Variants in CACNB2 observed in about 807,000 individuals in gnomAD.
CACNB2 encodes calcium voltage-gated channel auxiliary subunit beta 2.
Under a neutral mutation model 73.3 loss-of-function variants are expected in CACNB2, and 42 were observed. The observed-to-expected ratio is 0.57, with a 90% CI of 0.45 to 0.74. The LOEUF (loss-of-function observed/expected upper bound fraction) is 0.74, where lower values mean the gene tolerates loss of function less well. Ranked by LOEUF, CACNB2 falls within the 30% of genes least tolerant of loss-of-function variation. The pLI is 0.00. For synonymous variants in CACNB2, 348 were observed against 310.3 expected, an observed-to-expected ratio of 1.12 and a Z score of -1.28; for missense variants, 940 against 853.0, an observed-to-expected ratio of 1.10 and a Z score of -1.27.
chr10:18,251,731 G>A (rs2037099193), intron 2 of CACNB2, among the ~76,000 whole-genome samples: 2 of 152,224 alleles, frequency 1.3e-5, no homozygotes. Flanking sequence ...TGGCAGACAG[G>A]TGAAGGGGAA....
chr10:18,449,534 A>AC (rs2046914738), intron 3 of CACNB2, among the ~76,000 whole-genome samples: 1 of 152,228 alleles, frequency 6.6e-6, no homozygotes, highest in Non-Finnish European at 1.5e-5. Flanking sequence ...TAAGAACCGT[A>AC]GATACTTACA....
At chr10:18,506,749 A>G (rs1438018024) in intron 6 of CACNB2, among the ~76,000 whole-genome samples, 1 of 152,198 alleles carries the variant, frequency 6.6e-6, no homozygotes, top group Non-Finnish European at 1.5e-5. Context: ...GAAGTATGTC[A>G]AAGTGTTTAC....
intron 2 of CACNB2, among the ~76,000 whole-genome samples, chr10:18,215,876 G>A (rs1039577520): frequency 1.3e-5 from 2 of 152,148 alleles, no homozygotes; most frequent in African/African-American, 4.8e-5. Flanking sequence ...CCAAGTCAGT[G>A]CTTTCATTGT....
Position 18,150,222 on chromosome 10 carries a change from G to A in CACNB2, c.121-661G>A, listed in dbSNP as rs145358262. 7.2e-3 allele frequency among the ~76,000 whole-genome samples: 1,099 copies of A among 152,228 alleles called. 18 individuals carry two copies. The highest frequency in any genetic ancestry group is 0.024 in the African/African-American group (1,006 of 41,544). Reference sequence around the variant, plus strand: ...TTCTGCTTGGCCCAATCCTATTATCGAAACAAATCATCTTACCTTTAACTT... The same window carrying A: ...TTCTGCTTGGCCCAATCCTATTATCAAAACAAATCATCTTACCTTTAACTT... On this transcript the variant is annotated intron_variant, in intron 1 of 13. Coordinates refer to ENST00000324631, the MANE Select transcript of CACNB2 (RefSeq NM_201596.3).
At chr10:18,432,442 G>C (rs1030401231) in intron 3 of CACNB2, among the ~76,000 whole-genome samples, 1 of 63,512 alleles carries the variant, frequency 1.6e-5, no homozygotes, top group African/African-American at 1.2e-4. Context: ...GGATGGATGT[G>C]TGTGTCTCTG....
chr10:18,426,805 A>T (rs1434119201), intron 3 of CACNB2, among the ~76,000 whole-genome samples: 1 of 152,158 alleles, frequency 6.6e-6, no homozygotes, highest in South Asian at 2.1e-4. Flanking sequence ...TTCTTGTCTT[A>T]GTGGTACTCT....
chr10:18,218,906 G>A (rs1458409660), intron 2 of CACNB2, among the ~76,000 whole-genome samples: 5 of 152,290 alleles, frequency 3.3e-5, no homozygotes, highest in Admixed American at 2.6e-4. Context: ...GCTCACGCCT[G>A]TAATCCCAAC....
chr10:18,315,666 C>T (rs1192238384), intron 2 of CACNB2, among the ~76,000 whole-genome samples: 1 of 151,462 alleles, frequency 6.6e-6, no homozygotes, highest in Non-Finnish European at 1.5e-5. Context: ...TGCACTCCAA[C>T]CTGTGTGCTA....
intron 3 of CACNB2, among the ~76,000 whole-genome samples, chr10:18,435,290 A>T (rs1245404728): frequency 6.6e-6 from 1 of 152,208 alleles, no homozygotes; most frequent in African/African-American, 2.4e-5. Context: ...CCGAGCTGAC[A>T]ATAGGCAATC....
chr10:18,457,685 G>A (rs1475376722), intron 3 of CACNB2, among the ~76,000 whole-genome samples: 3 of 152,110 alleles, frequency 2.0e-5, no homozygotes, highest in Non-Finnish European at 4.4e-5. Context: ...GAGGTCAGGA[G>A]TTCAAGACCA....
chr10:18,449,787 G>A (rs1028441960), intron 3 of CACNB2, among the ~76,000 whole-genome samples: 1 of 152,186 alleles, frequency 6.6e-6, no homozygotes, highest in Non-Finnish European at 1.5e-5. Context: ...CATATCCCAG[G>A]GGCTGCACTG....
chr10:18,342,683 T>C (rs187562291), intron 2 of CACNB2, among the ~76,000 whole-genome samples: 112 of 152,306 alleles, frequency 7.4e-4, no homozygotes, highest in African/African-American at 2.6e-3. Flanking sequence ...TTTTGAATGG[T>C]TAAAGTTTAA....
intron 2 of CACNB2, among the ~76,000 whole-genome samples, chr10:18,365,394 G>C (rs2042307387): frequency 6.6e-6 from 1 of 152,018 alleles, no homozygotes; most frequent in African/African-American, 2.4e-5. Context: ...CAGTTATTTG[G>C]TGACGGCCAA....
intron 1 of CACNB2, among the ~76,000 whole-genome samples, chr10:18,145,763 A>T (rs1470741738): frequency 6.6e-6 from 1 of 152,196 alleles, no homozygotes; most frequent in African/African-American, 2.4e-5. Flanking sequence ...TAATTGTAAC[A>T]ATGCATTATT....
At chr10:18,314,959 C>T (rs140598921) in intron 2 of CACNB2, among the ~76,000 whole-genome samples, 271 of 152,246 alleles carry the variant, frequency 1.8e-3, no homozygotes, top group African/African-American at 6.3e-3. Context: ...TTAAAAAATA[C>T]TTGCCCTTAG....
chr10:18,185,496 G>GC (rs2034106564), intron 2 of CACNB2, among the ~76,000 whole-genome samples: 1 of 152,138 alleles, frequency 6.6e-6, no homozygotes, highest in African/African-American at 2.4e-5. Context: ...TCTTGGATTT[G>GC]CTGTTGCCCT....
intron 2 of CACNB2, among the ~76,000 whole-genome samples, chr10:18,261,759 A>G (rs2037555963): frequency 6.6e-6 from 1 of 152,174 alleles, no homozygotes; most frequent in South Asian, 2.1e-4. Flanking sequence ...GCAGCTTCAG[A>G]AAAATAGTAG....
chr10:18,239,667 C>G (rs966832533), intron 2 of CACNB2, among the ~76,000 whole-genome samples: 2 of 151,978 alleles, frequency 1.3e-5, no homozygotes, highest in Non-Finnish European at 2.9e-5. Context: ...TGTAATAGAC[C>G]TTATCTAAGT....
chr10:18,400,961 CG>C (rs1304509803), intron 2 of CACNB2: 11 of 1,609,888 alleles, frequency 6.8e-6, no homozygotes, highest in Non-Finnish European at 8.5e-6. Flanking sequence ...TGGGGTTCTC[CG>C]GGGCTCAGCG....
Sources: gnomAD v4.1 joint callset for allele counts (sites outside exome capture counted in the v4.1 genomes callset) on GRCh38, gnomAD v4.1.1 for gene constraint, MANE v1.5 for transcripts, NCBI Gene and HGNC (gene_info 2026-07-23, HGNC 2026-07-21) for gene names.